The following LPA variants were observed in gnomAD, a reference collection of about 807,000 sequenced individuals.
LPA encodes the protein lipoprotein(a).
In LPA, 199 loss-of-function variants were observed where a neutral mutation model predicts 197.9. The observed-to-expected ratio is 1.01, with a 90% CI of 0.90 to 1.13. The LOEUF (loss-of-function observed/expected upper bound fraction) is 1.13. LPA is among the 50% of genes most tolerant of loss of function. LPA has a pLI of 0.00. For synonymous variants in LPA, 715 were observed against 639.5 expected (o/e 1.12, Z -1.78); for missense variants, 1,853 against 1,785.8 (o/e 1.04, Z -0.68).
At chr6:160,611,196 TC>T (rs2115068406) in intron 16 of LPA, among the ~76,000 whole-genome samples, 1 of 152,218 alleles carries the variant, frequency 6.6e-6, no homozygotes, top group East Asian at 1.9e-4. Context: ...GCAAACACAA[TC>T]TTCCCTTCAG....
intron 2 of LPA, among the ~76,000 whole-genome samples, chr6:160,648,519 G>C (rs539921898): frequency 6.6e-5 from 10 of 151,984 alleles, no homozygotes; most frequent in Admixed American, 3.3e-4. Context: ...CTTTATGTCT[G>C]TGTGGCTCGG....
intron 30 of LPA, 45 bp downstream of exon 30, chr6:160,555,980 T>C (rs1347652309): frequency 1.4e-6 from 2 of 1,409,118 alleles, no homozygotes; most frequent in Admixed American, 3.4e-5. Flanking sequence ...TAGGAGGAAC[T>C]TAAGTTGGCT....
rs1562327868 is a variant in LPA at position 160,576,357 on chromosome 6, T to TAC, written c.4631+778_4631+779insGT. ...GTGTGTGTGTATATATATATATATATATATATATACATATATATATATATA... is the reference window on the plus strand; with the variant it reads ...GTGTGTGTGTATATATATATATATATACATATATATACATATATATATATATA... On this transcript the variant is annotated intron_variant, in intron 28 of 38. Transcript: ENST00000316300. Among the ~76,000 whole-genome samples the TAC allele has an allele frequency of 1.5e-3, 75 of 51,086 alleles. 1 individual carries two copies. Among genetic ancestry groups the TAC allele is most frequent in the Admixed American group, 5.8e-3 (20 of 3,472 alleles). The allele number at this position is 51,086 out of a possible 152,430, so 33.5% of individuals were successfully genotyped here. A position where few individuals can be genotyped will look rare whatever the true frequency, so the allele number is the denominator to read the frequency against.
rs764038715 is a variant in LPA at position 160,606,468 on chromosome 6, G to T, written c.2785+9C>A. The T allele has an allele frequency of 6.2e-6, 10 of 1,613,074 alleles. No homozygotes were observed. In the African/African-American group the frequency reaches 8.0e-5, roughly 13 times the overall value. On this transcript the variant is annotated intron_variant, in intron 17 of 38. Coordinates refer to ENST00000316300, the MANE Select transcript of LPA (RefSeq NM_005577.4). ...GAAACGTGTAGGTTTCTGGCCACAG[G>T]CTCCTTACCTTGTTCAGAAGGAGCC...
intron 1 of LPA, among the ~76,000 whole-genome samples, chr6:160,653,988 A>T (rs10046251): frequency 1.1e-4 from 2 of 17,552 alleles, no homozygotes; most frequent in Non-Finnish European, 1.9e-4. Context: ...TATAATATAT[A>T]ATATATATTA....
intron 23 of LPA, among the ~76,000 whole-genome samples, chr6:160,590,686 T>C (rs773124034): frequency 6.6e-6 from 1 of 152,116 alleles, no homozygotes; most frequent in Non-Finnish European, 1.5e-5. Context: ...AAATAATCTA[T>C]TGAATAACCA....
intron 22 of LPA, among the ~76,000 whole-genome samples, chr6:160,591,963 GACAATTTA>G (rs1330511811): frequency 6.6e-6 from 1 of 152,076 alleles, no homozygotes; most frequent in African/African-American, 2.4e-5. Context: ...TTTGAAATCA[GACAATTTA>G]ACTATGATGT....
At chr6:160,649,658 T>C (rs1779968750) in intron 2 of LPA, among the ~76,000 whole-genome samples, 1 of 152,214 alleles carries the variant, frequency 6.6e-6, no homozygotes, top group Non-Finnish European at 1.5e-5. Flanking sequence ...TACCATCTAT[T>C]GTCCAACAAG....
intron 26 of LPA, among the ~76,000 whole-genome samples, chr6:160,580,407 TG>T (rs1438161329): frequency 4.6e-5 from 7 of 152,196 alleles, no homozygotes; most frequent in Admixed American, 1.3e-4. Flanking sequence ...GTTTTCATTT[TG>T]GGGGGTAAAT....
At chr6:160,578,460 A>C (rs1008607815) in intron 27 of LPA, 63 bp downstream of exon 27, 1 of 1,592,112 alleles carries the variant, frequency 6.3e-7, no homozygotes, top group East Asian at 2.2e-5. Context: ...AGGCTTCTGC[A>C]TCAGTAAGAT....
chr6:160,604,950 C>T, intron 18 of LPA, 96 bp downstream of exon 18: 7 of 1,561,540 alleles, frequency 4.5e-6, no homozygotes, highest in Non-Finnish European at 5.3e-6. Context: ...TCATCTGAGA[C>T]AACTTGAGTC....
intron 26 of LPA, among the ~76,000 whole-genome samples, chr6:160,582,989 C>G (rs921211207): frequency 6.6e-6 from 1 of 151,990 alleles, no homozygotes; most frequent in Non-Finnish European, 1.5e-5. Flanking sequence ...GTGATTTTCT[C>G]ATTAAAGAGA....
chr6:160,655,215 A>G (rs2144726), intron 1 of LPA, among the ~76,000 whole-genome samples: 90,732 of 152,006 alleles, frequency 0.6, 27,364 homozygotes, highest in Admixed American at 0.68. Flanking sequence ...ACCAAAGCCC[A>G]ATAACAGACC....
chr6:160,546,223 G>A (rs529771989), intron 32 of LPA, among the ~76,000 whole-genome samples: 19 of 152,240 alleles, frequency 1.2e-4, no homozygotes, highest in Admixed American at 5.9e-4. Context: ...AGGGAAGAGG[G>A]GCCGAAGGTG....
intron 21 of LPA, 65 bp from the exon 22 acceptor site, chr6:160,594,182 C>T: frequency 6.3e-7 from 1 of 1,591,084 alleles, no homozygotes; most frequent in South Asian, 1.1e-5. Flanking sequence ...CAGAAGAAAT[C>T]TGTGACTGAA....
At chr6:160,634,914 C>T (rs1159257813) in intron 7 of LPA, among the ~76,000 whole-genome samples, 1 of 150,136 alleles carries the variant, frequency 6.7e-6, no homozygotes. Flanking sequence ...AGGTTTGTGC[C>T]CATTCTAAAG....
intron 19 of LPA, 78 bp from the exon 20 acceptor site, chr6:160,599,737 CAA>C: frequency 6.7e-7 from 1 of 1,487,672 alleles, no homozygotes; most frequent in Non-Finnish European, 9.3e-7. Flanking sequence ...TGACATAAAC[CAA>C]AAAAGAGTCA....
In LPA at chr6:160,578,689, G is replaced by C; in HGVS notation, c.4305C>G (p.Asn1435Lys). The C allele has an allele frequency of 6.2e-7, 1 of 1,613,846 alleles. No homozygotes were observed. The highest frequency in any genetic ancestry group is 8.5e-7 in the Non-Finnish European group (1 of 1,179,892). Residue 1435 changes from asparagine to lysine, a missense_variant, in exon 27 of 39, where the codon AAC becomes AAG. This residue lies in a region of LPA where 1,737 missense variants were observed against 1,504.4 expected (regional missense o/e 1.15). Transcript: ENST00000316300. Reference sequence around the variant, plus strand: ...TCTCAGCATCTGGATTCCTGCAGTAGTTCCTGGTCAGGCCACTGCAAATTT... The same window carrying C: ...TCTCAGCATCTGGATTCCTGCAGTACTTCCTGGTCAGGCCACTGCAAATTT... ...LYYPNAGLTRNYCRNPDAEIR... is the reference protein window; with the variant it reads ...LYYPNAGLTRKYCRNPDAEIR...
chr6:160,654,055 AT>A (rs373779736), intron 1 of LPA, among the ~76,000 whole-genome samples: 1,759 of 8,942 alleles, frequency 0.2, 312 homozygotes, highest in Middle Eastern at 0.25. Context: ...TATATAATAT[AT>A]TATATATATT....
Sources: allele counts gnomAD v4.1 joint callset (sites outside exome capture counted in the v4.1 genomes callset), GRCh38; gene constraint gnomAD v4.1.1; regional missense constraint gnomAD v4.1.1; transcripts MANE v1.5; gene names NCBI Gene and HGNC (gene_info 2026-07-23, HGNC 2026-07-21).